The following ATRN variants were observed in gnomAD, a reference collection of about 807,000 sequenced individuals.
ATRN encodes attractin-2.
In ATRN, 54 loss-of-function variants were observed where a neutral mutation model predicts 178.7. The ratio of observed to expected loss-of-function variants is 0.30; its 90% CI spans 0.24 to 0.38. The LOEUF (loss-of-function observed/expected upper bound fraction) is 0.38. Ranked by LOEUF, ATRN falls within the 10% of genes least tolerant of loss-of-function variation. ATRN has a pLI of 1.00. For missense variants in ATRN, 1,443 were observed against 1,815.1 expected (o/e 0.79, Z 3.73); for synonymous variants, 636 against 663.0 (o/e 0.96, Z 0.63).
intron 6 of ATRN, among the ~76,000 whole-genome samples, chr20:3,552,936 G>T (rs185096487): frequency 6.6e-6 from 1 of 152,226 alleles, no homozygotes; most frequent in Non-Finnish European, 1.5e-5. Flanking sequence ...TAGCAGGATG[G>T]ATGTCACAGA....
intron 1 of ATRN, among the ~76,000 whole-genome samples, chr20:3,474,652 AGCCGAGATC>A (rs1442544661): frequency 2.0e-5 from 3 of 151,528 alleles, no homozygotes; most frequent in Non-Finnish European, 1.5e-5. Flanking sequence ...GCTTGCAGTG[AGCCGAGATC>A]GCACCACTGC....
At chr20:3,560,015 C>T (rs1200859022) in intron 7 of ATRN, among the ~76,000 whole-genome samples, 1 of 152,012 alleles carries the variant, frequency 6.6e-6, no homozygotes, top group East Asian at 1.9e-4. Context: ...CTTTTGCTAA[C>T]CCTTAAAATT....
chr20:3,593,727 C>T (rs1161085045), intron 19 of ATRN, among the ~76,000 whole-genome samples: 1 of 152,180 alleles, frequency 6.6e-6, no homozygotes, highest in Non-Finnish European at 1.5e-5. Flanking sequence ...TTAAAGCATA[C>T]CTCTCTCCAG....
At chr20:3,491,795 G>C (rs1433303847) in intron 1 of ATRN, among the ~76,000 whole-genome samples, 3 of 151,984 alleles carry the variant, frequency 2.0e-5, no homozygotes, top group African/African-American at 7.2e-5. Flanking sequence ...AGTATCTGCT[G>C]GTATTCTTTT....
At chr20:3,565,865 T>C (rs1433904416) in intron 11 of ATRN, among the ~76,000 whole-genome samples, 1 of 151,812 alleles carries the variant, frequency 6.6e-6, no homozygotes, top group African/African-American at 2.4e-5. Context: ...ATTCACAAGA[T>C]TCCCTCATCC....
At chr20:3,507,290 A>G (rs576678249) in intron 1 of ATRN, among the ~76,000 whole-genome samples, 1 of 151,684 alleles carries the variant, frequency 6.6e-6, no homozygotes, top group African/African-American at 2.4e-5. Flanking sequence ...GGTGCCTGTA[A>G]TCCCAGCTAC....
intron 1 of ATRN, among the ~76,000 whole-genome samples, chr20:3,529,544 AAAG>A (rs781020370): frequency 3.1e-4 from 47 of 152,334 alleles, no homozygotes; most frequent in Middle Eastern, 3.4e-3. Context: ...ATGTTGATAA[AAAG>A]AAGCAAGACA....
intron 5 of ATRN, among the ~76,000 whole-genome samples, chr20:3,548,669 A>G (rs909775458): frequency 6.6e-6 from 1 of 152,108 alleles, no homozygotes; most frequent in Admixed American, 6.5e-5. Flanking sequence ...TTTACATAGC[A>G]TTTACATTGT....
At chr20:3,529,441 G>T (rs907359080) in intron 1 of ATRN, among the ~76,000 whole-genome samples, 7 of 152,192 alleles carry the variant, frequency 4.6e-5, no homozygotes, top group African/African-American at 1.7e-4. Flanking sequence ...TAATCCAAGT[G>T]TCCACCAATA....
intron 1 of ATRN, among the ~76,000 whole-genome samples, chr20:3,485,243 T>G (rs867514061): frequency 6.6e-6 from 1 of 152,284 alleles, no homozygotes; most frequent in Middle Eastern, 3.4e-3. Context: ...GATTCTCCTG[T>G]TCCCCATGTT....
chr20:3,508,914 G>C (rs2085083877), intron 1 of ATRN, among the ~76,000 whole-genome samples: 1 of 151,952 alleles, frequency 6.6e-6, no homozygotes, highest in Non-Finnish European at 1.5e-5. Flanking sequence ...TGATAAATCA[G>C]GGATGCAAGT....
intron 24 of ATRN, among the ~76,000 whole-genome samples, chr20:3,605,926 G>A (rs1316024670): frequency 1.3e-5 from 2 of 151,686 alleles, no homozygotes; most frequent in East Asian, 1.9e-4. Context: ...AACAAAAAAA[G>A]CAAGTTATCA....
chr20:3,500,888 A>G (rs565564885), intron 1 of ATRN, among the ~76,000 whole-genome samples: 350 of 152,202 alleles, frequency 2.3e-3, no homozygotes, highest in Non-Finnish European at 3.9e-3. Context: ...AATCAAGTGC[A>G]TATGGAATAA....
chr20:3,600,245 A>G (rs922285004), intron 22 of ATRN, among the ~76,000 whole-genome samples: 4 of 152,194 alleles, frequency 2.6e-5, no homozygotes, highest in African/African-American at 9.6e-5. Context: ...CATTAAGACC[A>G]AGGATCAAAA....
intron 18 of ATRN, among the ~76,000 whole-genome samples, chr20:3,586,502 G>A (rs2086359459): frequency 6.6e-6 from 1 of 151,424 alleles, no homozygotes; most frequent in East Asian, 2.0e-4. Context: ...AAAATGCTAT[G>A]TGAAAGAAGC....
At chr20:3,555,133 C>G (rs1035300356) in intron 6 of ATRN, among the ~76,000 whole-genome samples, 10 of 151,180 alleles carry the variant, frequency 6.6e-5, no homozygotes, top group Admixed American at 2.0e-4. Context: ...TCCCGAGTAG[C>G]TGGGACTACA....
chr20:3,601,102 G>A (rs1301245289), intron 23 of ATRN, 78 bp downstream of exon 23: 34 of 1,337,786 alleles, frequency 2.5e-5, no homozygotes, highest in East Asian at 1.4e-4. Flanking sequence ...TTGAGAAAGC[G>A]AGCTCAGGAG....
chr20:3,638,223 G>C lies in ATRN; in HGVS notation c.3943-605G>C, dbSNP rs1450373981. On this transcript the variant is annotated intron_variant, in intron 26 of 28. Coordinates refer to ENST00000262919, the MANE Select transcript of ATRN (RefSeq NM_139321.3). The surrounding 1 kb of genome is among the most constrained non-coding windows in gnomAD (Gnocchi z 4.5). ...GGTGGTTTGCCGCACCTATCAGCCT[G>C]TTATCTAGGTTTTAAGCCCTGCATG... 2.0e-5 allele frequency among the ~76,000 whole-genome samples: 3 copies of C among 152,144 alleles called. No individual in the cohort carries two copies. The highest frequency in any genetic ancestry group is 2.9e-5 in the Non-Finnish European group (2 of 68,032).
chr20:3,551,629 C>G (rs2085788166), intron 6 of ATRN, among the ~76,000 whole-genome samples: 1 of 152,078 alleles, frequency 6.6e-6, no homozygotes, highest in Non-Finnish European at 1.5e-5. Context: ...CCACATGGGT[C>G]CATAATTCAT....
Sources: gnomAD v4.1 joint callset for allele counts (sites outside exome capture counted in the v4.1 genomes callset) on GRCh38, gnomAD v4.1.1 for gene constraint, Gnocchi (gnomAD v3.1) non-coding constraint, MANE v1.5 for transcripts, NCBI Gene and HGNC (gene_info 2026-07-23, HGNC 2026-07-21) for gene names.